TBXAS1: variants seen among roughly 807,000 people sequenced by gnomAD.
The protein encoded by TBXAS1 is thromboxane A synthase 1.
TBXAS1 carries 48 observed loss-of-function variants against 60.7 expected under a neutral mutation model. The observed-to-expected ratio is 0.79, with a 90% CI of 0.63 to 1.01. The LOEUF is 1.01. Among genes scored for constraint, TBXAS1 ranks in the 50% least tolerant of loss-of-function variants. The probability of loss-of-function intolerance (pLI) is 0.00; values close to 1 mark genes in which losing one functional copy is unlikely to be tolerated. For missense variants in TBXAS1, 685 were observed against 686.3 expected (o/e 1.00, Z 0.02); for synonymous variants, 287 against 269.7 (o/e 1.06, Z -0.63).
At chr7:139,833,888 AC>A (rs1163586283) in intron 1 of TBXAS1, among the ~76,000 whole-genome samples, 2 of 152,208 alleles carry the variant, frequency 1.3e-5, no homozygotes, top group African/African-American at 4.8e-5. Flanking sequence ...CACCGACAGC[AC>A]CAGACAGGTT....
At chr7:139,993,982 CAA>C (rs1813120743) in intron 9 of TBXAS1, among the ~76,000 whole-genome samples, 1 of 146,708 alleles carries the variant, frequency 6.8e-6, no homozygotes, top group African/African-American at 2.5e-5. Context: ...CTCCCAGGTT[CAA>C]GTGATTCTCC....
chr7:139,822,364 C>A (rs1798322555), intron 4 of TBXAS1, among the ~76,000 whole-genome samples: 1 of 152,142 alleles, frequency 6.6e-6, no homozygotes. Context: ...GGTTCCCCCA[C>A]CCTCAACTCC....
At chr7:139,938,682 G>A (rs370260110) in intron 5 of TBXAS1, among the ~76,000 whole-genome samples, 16 of 152,312 alleles carry the variant, frequency 1.1e-4, no homozygotes, top group African/African-American at 2.9e-4. Flanking sequence ...AGAGGTAGGT[G>A]AGCCTAGGGC....
In TBXAS1 at chr7:139,893,497, C is replaced by CT. The variant is rs150176726; in HGVS notation, c.237-17726dup. Among the ~76,000 whole-genome samples the CT allele has an allele frequency of 5.9e-3, 901 of 152,306 alleles. 8 individuals carry two copies. The highest frequency in any genetic ancestry group is 0.028 in the South Asian group (133 of 4,824). On this transcript the variant is annotated intron_variant, in intron 3 of 12. Coordinates refer to ENST00000448866, the MANE Select transcript of TBXAS1 (RefSeq NM_001061.7). ...GGCCATCGAACTATTTATTTAGTAG[C>CT]TTGATGCTGTTTGCATCAACAACTT...
At chr7:139,871,569 A>G (rs1271481986) in intron 1 of TBXAS1, among the ~76,000 whole-genome samples, 1 of 152,170 alleles carries the variant, frequency 6.6e-6, no homozygotes, top group East Asian at 1.9e-4. Flanking sequence ...TTCTCCTGGG[A>G]AGTGGCACAG....
At position 140,008,879 on chromosome 7, in the gene TBXAS1, G is replaced by A. The variant is rs926134775; in HGVS notation, c.1226+1697G>A. ...AACAAAGGCCATTTAAAGGAAAGAA[G>A]GCCTTACAGGGCCCCAGAGCTGGCT... is the stretch of plus-strand genomic sequence containing the variant. On this transcript the variant is annotated intron_variant, in intron 10 of 12. Coordinates refer to ENST00000448866, the MANE Select transcript of TBXAS1 (RefSeq NM_001061.7). Among the ~76,000 whole-genome samples the A allele has an allele frequency of 3.3e-5, 5 of 152,334 alleles. No individual in the cohort carries two copies. The South Asian group carries it at 1.0e-3, about 32-fold the overall frequency.
At chr7:139,858,759 T>G (rs1800758930) in intron 1 of TBXAS1, among the ~76,000 whole-genome samples, 1 of 152,258 alleles carries the variant, frequency 6.6e-6, no homozygotes, top group African/African-American at 2.4e-5. Context: ...GAGTCACGTC[T>G]TCTTGGCAGT....
intron 1 of TBXAS1, among the ~76,000 whole-genome samples, chr7:139,856,673 C>A (rs1800605598): frequency 6.6e-6 from 1 of 152,092 alleles, no homozygotes; most frequent in Non-Finnish European, 1.5e-5. Flanking sequence ...CTTCATGGGT[C>A]CCATGTAGAA....
At chr7:139,842,704 C>T (rs2116584545) in intron 1 of TBXAS1, among the ~76,000 whole-genome samples, 1 of 152,308 alleles carries the variant, frequency 6.6e-6, no homozygotes, top group East Asian at 1.9e-4. Flanking sequence ...GGGGAGTTCC[C>T]TGGAGCCCTC....
In TBXAS1 at chr7:139,829,450, G is replaced by C. The variant is rs1798566515; in HGVS notation, c.60G>C (p.Leu20=). Residue 20 remains leucine, a synonymous_variant, in exon 1 of 13, where the codon CTG becomes CTC. Transcript: ENST00000448866. ...EVNGPMVTVA[L]SVALLALLKW... is the part of the protein sequence containing the mutation. ...ATGGCCCCATGGTGACGGTGGCCCTGTCAGTGGCTCTCTTGGCCCTCCTGA... is the reference window on the plus strand; with the variant it reads ...ATGGCCCCATGGTGACGGTGGCCCTCTCAGTGGCTCTCTTGGCCCTCCTGA... 6.2e-7 allele frequency: 1 copy of C among 1,614,022 alleles called. No individual in the cohort carries two copies. The highest frequency in any genetic ancestry group is 8.5e-7 in the Non-Finnish European group (1 of 1,179,992).
In TBXAS1 at chr7:139,901,082, C is replaced by G. The variant is rs373203211; in HGVS notation, c.237-10143C>G. ...GGGCAGACAAAAGCAGGTGAGCCAT[C>G]CCAGACACCCAAAACGAAAGCTATG... On this transcript the variant is annotated intron_variant, in intron 3 of 12. Transcript: ENST00000448866. Among the ~76,000 whole-genome samples the G allele has an allele frequency of 8.5e-5, 13 of 152,266 alleles. No homozygotes were observed. In the East Asian group the frequency reaches 2.5e-3, roughly 29 times the overall value.
intron 6 of TBXAS1, 46 bp from the exon 7 acceptor site, chr7:139,955,413 C>G (rs1809769359): frequency 1.2e-6 from 2 of 1,613,294 alleles, no homozygotes; most frequent in East Asian, 4.5e-5. Flanking sequence ...TTGTGGGTAG[C>G]CCCTGCCAGA....
Position 140,015,713 on chromosome 7 carries a change from T to C in TBXAS1, c.1227-10T>C, listed in dbSNP as rs750340311. The C allele has an allele frequency of 6.2e-7, 1 of 1,612,978 alleles. No individual in the cohort carries two copies. The highest frequency in any genetic ancestry group is 8.5e-7 in the Non-Finnish European group (1 of 1,180,000). On this transcript the variant is annotated splice_polypyrimidine_tract_variant and intron_variant, in intron 10 of 12. Transcript: ENST00000448866. ...CTCTGTATCCACCCCCGACCTGGTG[T>C]TTCCCTCAGATTCACACGGGAGGCA...
chr7:140,018,399 T>C (rs1157714034), intron 12 of TBXAS1, among the ~76,000 whole-genome samples: 1 of 152,140 alleles, frequency 6.6e-6, no homozygotes, highest in Non-Finnish European at 1.5e-5. Flanking sequence ...CGTGTCCCCA[T>C]GGCCACAGCC....
intron 4 of TBXAS1, among the ~76,000 whole-genome samples, chr7:139,922,723 A>G (rs933440477): frequency 6.6e-6 from 1 of 152,236 alleles, no homozygotes; most frequent in Non-Finnish European, 1.5e-5. Flanking sequence ...TCACAAAGAT[A>G]TTCTCTTGGA....
chr7:139,988,577 C>T (rs1330243729), intron 9 of TBXAS1, among the ~76,000 whole-genome samples: 1 of 152,192 alleles, frequency 6.6e-6, no homozygotes, highest in East Asian at 1.9e-4. Context: ...CTCTTCCCTA[C>T]TCCCCTCCGG....
At chr7:139,947,666 T>A (rs1229837393) in intron 5 of TBXAS1, among the ~76,000 whole-genome samples, 2 of 152,254 alleles carry the variant, frequency 1.3e-5, no homozygotes, top group African/African-American at 4.8e-5. Context: ...GGATGGTGAT[T>A]TCCCCTGAAT....
intron 9 of TBXAS1, among the ~76,000 whole-genome samples, chr7:139,982,490 A>T (rs191493317): frequency 4.6e-5 from 7 of 152,310 alleles, no homozygotes; most frequent in Admixed American, 4.6e-4. Flanking sequence ...GGCTTTCTTG[A>T]CAGTACCAGG....
intron 3 of TBXAS1, among the ~76,000 whole-genome samples, chr7:139,905,282 T>C (rs1329482775): frequency 6.6e-6 from 1 of 152,074 alleles, no homozygotes; most frequent in African/African-American, 2.4e-5. Context: ...TACATTAAGG[T>C]ATGTCCCTTG....
Sources: gnomAD v4.1 joint callset for allele counts (sites outside exome capture counted in the v4.1 genomes callset) on GRCh38, gnomAD v4.1.1 for gene constraint, MANE v1.5 for transcripts, NCBI Gene and HGNC (gene_info 2026-07-23, HGNC 2026-07-21) for gene names.